Variants in LRRTM3 observed in about 807,000 individuals in gnomAD.
The protein encoded by LRRTM3 is leucine-rich repeat transmembrane neuronal protein 3.
LRRTM3 carries 24 observed loss-of-function variants against 44.7 expected under a neutral mutation model. The ratio of observed to expected loss-of-function variants is 0.54; its 90% CI spans 0.39 to 0.76. The LOEUF is 0.76. Ranked by LOEUF, LRRTM3 falls within the 30% of genes least tolerant of loss-of-function variation. The pLI, the probability that LRRTM3 is intolerant of heterozygous loss-of-function variation, is 0.00. For missense variants in LRRTM3, 587 were observed against 702.2 expected (o/e 0.84, Z 1.85); for synonymous variants, 277 against 278.7 (o/e 0.99, Z 0.06).
Position 67,035,267 on chromosome 10 carries a change from A to G in LRRTM3, c.1537-62320A>G, listed in dbSNP as rs181638844. On this transcript the variant is annotated intron_variant, in intron 2 of 2. Coordinates refer to ENST00000361320, the MANE Select transcript of LRRTM3 (RefSeq NM_178011.5). ...TTAAGTAAAACTATGATTTAAAAAT[A>G]TGCTGCAAGTCACTAGATTTCTTAA... Among the ~76,000 whole-genome samples, 7 of 152,354 alleles carry G rather than the reference A, an allele frequency of 4.6e-5. No homozygotes were observed. In the East Asian group the frequency reaches 1.3e-3, roughly 29 times the overall value.
intron 2 of LRRTM3, among the ~76,000 whole-genome samples, chr10:67,047,235 C>G (rs953655996): frequency 1.3e-5 from 2 of 152,086 alleles, no homozygotes; most frequent in African/African-American, 4.8e-5. Context: ...GGTGGAGTCT[C>G]TAGATGTGTA....
chr10:67,017,298 A>C (rs1852717445), intron 2 of LRRTM3, among the ~76,000 whole-genome samples: 1 of 152,228 alleles, frequency 6.6e-6, no homozygotes, highest in African/African-American at 2.4e-5. Context: ...TTAGTTCCCA[A>C]GAACACAGTG....
At chr10:67,041,822 T>C (rs1335558760) in intron 2 of LRRTM3, among the ~76,000 whole-genome samples, 3 of 152,144 alleles carry the variant, frequency 2.0e-5, no homozygotes, top group Non-Finnish European at 4.4e-5. Context: ...AATAAAGTGC[T>C]GTAGCTGATA....
At chr10:67,012,128 T>C (rs1356067306) in intron 2 of LRRTM3, among the ~76,000 whole-genome samples, 2 of 152,218 alleles carry the variant, frequency 1.3e-5, no homozygotes, top group Non-Finnish European at 2.9e-5. Context: ...GTCTACATTC[T>C]TATCCACTGT....
At chr10:66,959,165 T>C (rs1848988536) in intron 2 of LRRTM3, among the ~76,000 whole-genome samples, 3 of 152,186 alleles carry the variant, frequency 2.0e-5, no homozygotes, top group Non-Finnish European at 2.9e-5. Context: ...ACAGCAGAAG[T>C]TGGCTTAGTG....
intron 2 of LRRTM3, among the ~76,000 whole-genome samples, chr10:67,077,615 G>A (rs944103524): frequency 1.3e-5 from 2 of 152,090 alleles, no homozygotes; most frequent in Non-Finnish European, 2.9e-5. Flanking sequence ...AATCTTCTAT[G>A]ATGCAACTCC....
intron 2 of LRRTM3, among the ~76,000 whole-genome samples, chr10:66,944,505 T>C (rs1334215679): frequency 6.6e-6 from 1 of 152,226 alleles, no homozygotes; most frequent in Admixed American, 6.5e-5. Flanking sequence ...CCTATTAATG[T>C]TGATGTTTTG....
chr10:66,965,941 C>G (rs537780817), intron 2 of LRRTM3, among the ~76,000 whole-genome samples: 205 of 152,238 alleles, frequency 1.3e-3, no homozygotes, highest in African/African-American at 4.8e-3. Flanking sequence ...GCTTTGCAAG[C>G]ACTATATAAG....
chr10:66,961,027 A>T (rs1052099833), intron 2 of LRRTM3, among the ~76,000 whole-genome samples: 1 of 152,212 alleles, frequency 6.6e-6, no homozygotes, highest in Non-Finnish European at 1.5e-5. Flanking sequence ...AATTAACTTG[A>T]CATAGTTATC....
intron 2 of LRRTM3, among the ~76,000 whole-genome samples, chr10:67,011,112 G>T (rs377177376): frequency 3.3e-5 from 5 of 152,036 alleles, no homozygotes; most frequent in Non-Finnish European, 2.9e-5. Context: ...GACGGATCAC[G>T]AAGTCAAGGG....
At chr10:67,021,593 T>C (rs998862481) in intron 2 of LRRTM3, among the ~76,000 whole-genome samples, 1 of 152,050 alleles carries the variant, frequency 6.6e-6, no homozygotes, top group Non-Finnish European at 1.5e-5. Flanking sequence ...AGTTATGTAG[T>C]GATATGAGAA....
intron 2 of LRRTM3, among the ~76,000 whole-genome samples, chr10:67,016,030 C>T (rs1159133335): frequency 1.3e-5 from 1 of 76,174 alleles, no homozygotes; most frequent in Non-Finnish European, 3.8e-5. Flanking sequence ...GCTGTATACT[C>T]TCTTCTTTGA....
rs563250991 is a variant in LRRTM3, at chr10:67,059,463, G to A, written c.1537-38124G>A. The stretch of plus-strand genomic sequence containing the variant: ...CACAGACAGATTGTAAGAGACACTC[G>A]ATGGCAAGAATGAATTTAGGTCGAA... On this transcript the variant is annotated intron_variant, in intron 2 of 2. Coordinates refer to ENST00000361320, the MANE Select transcript of LRRTM3 (RefSeq NM_178011.5). Among the ~76,000 whole-genome samples, 18 of 152,240 alleles carry A rather than the reference G, an allele frequency of 1.2e-4. No homozygotes were observed. In the East Asian group the frequency reaches 3.3e-3, roughly 28 times the overall value.
intron 2 of LRRTM3, among the ~76,000 whole-genome samples, chr10:67,044,188 T>A (rs970470577): frequency 6.6e-6 from 1 of 152,062 alleles, no homozygotes; most frequent in African/African-American, 2.4e-5. Context: ...AGTGAGAACA[T>A]GTAATATTAA....
In LRRTM3 at chr10:66,928,460, C is replaced by G. The variant is rs778232024; in HGVS notation, c.1536+8C>G. On this transcript the variant is annotated splice_region_variant and intron_variant, in intron 2 of 2. Transcript: ENST00000361320. Reference sequence around the variant, plus strand: ...GGCTCCAGGGAGTGTGAGGTATGAACCATTGTGATAAAAAGAGCTCTTAAA... The same window carrying G: ...GGCTCCAGGGAGTGTGAGGTATGAAGCATTGTGATAAAAAGAGCTCTTAAA... The G allele has an allele frequency of 3.2e-6, 5 of 1,581,248 alleles. No homozygotes were observed. The East Asian group carries it at 1.1e-4, about 35-fold the overall frequency.
intron 2 of LRRTM3, among the ~76,000 whole-genome samples, chr10:67,038,615 T>C (rs1854209103): frequency 6.6e-6 from 1 of 152,132 alleles, no homozygotes; most frequent in South Asian, 2.1e-4. Flanking sequence ...GCAGCTAGTA[T>C]ATTTTTGTTA....
At chr10:66,926,686 T>C (rs1847093737) in intron 1 of LRRTM3, 99 bp downstream of exon 1, 1 of 1,380,482 alleles carries the variant, frequency 7.2e-7, no homozygotes, top group Non-Finnish European at 1.0e-6. Context: ...AGAGATTACC[T>C]TGCTCTGCTC....
chr10:66,951,368 T>A (rs1848531491), intron 2 of LRRTM3, among the ~76,000 whole-genome samples: 1 of 152,116 alleles, frequency 6.6e-6, no homozygotes, highest in African/African-American at 2.4e-5. Flanking sequence ...CATCCGCCTC[T>A]GCCTCCCAGA....
chr10:66,969,269 A>G (rs1436845883), intron 2 of LRRTM3, among the ~76,000 whole-genome samples: 1 of 152,140 alleles, frequency 6.6e-6, no homozygotes, highest in Non-Finnish European at 1.5e-5. Flanking sequence ...ATGATACTGT[A>G]TATCAATTTT....
Sources: allele counts gnomAD v4.1 joint callset (sites outside exome capture counted in the v4.1 genomes callset), GRCh38; gene constraint gnomAD v4.1.1; transcripts MANE v1.5; gene names NCBI Gene and HGNC (gene_info 2026-07-23, HGNC 2026-07-21).